Variants in OPN5 observed in about 807,000 individuals in gnomAD.
The protein encoded by OPN5 is opsin 5, also known as opsin-5.
Under a neutral mutation model 41.7 loss-of-function variants are expected in OPN5, and 18 were observed. That is an observed-to-expected ratio of 0.43 (90% CI 0.30 to 0.64). The LOEUF (loss-of-function observed/expected upper bound fraction) is 0.64. OPN5 is among the 30% of genes least tolerant of loss of function. OPN5 has a pLI of 0.13. For synonymous variants in OPN5, 178 were observed against 164.3 expected, an observed-to-expected ratio of 1.08 and a Z score of -0.64; for missense variants, 318 against 434.5, an observed-to-expected ratio of 0.73 and a Z score of 2.38.
chr6:47,804,429 T>C (rs1773886404), intron 4 of OPN5, among the ~76,000 whole-genome samples: 1 of 152,104 alleles, frequency 6.6e-6, no homozygotes. Flanking sequence ...CACTTAGAAT[T>C]GAGGAAAGTC....
chr6:47,795,349 C>A, exon 4 of OPN5: 1 of 1,614,164 alleles, frequency 6.2e-7, no homozygotes, highest in East Asian at 2.2e-5. Context: ...CCCTTCGGAA[C>A]CTCGTGCACC....
intron 1 of OPN5, 98 bp from the exon 2 acceptor site, chr6:47,786,417 A>C: frequency 1.0e-6 from 1 of 960,724 alleles, no homozygotes; most frequent in East Asian, 2.4e-5. Flanking sequence ...CTACCCTCTA[A>C]ATCTATGGTG....
chr6:47,810,593 C>A (rs1024375296), intron 5 of OPN5, among the ~76,000 whole-genome samples: 1 of 152,038 alleles, frequency 6.6e-6, no homozygotes, highest in East Asian at 1.9e-4. Flanking sequence ...TAAGGGGACA[C>A]CCTCTTGGGA....
chr6:47,797,684 G>A (rs1773620970), intron 4 of OPN5, among the ~76,000 whole-genome samples: 1 of 152,144 alleles, frequency 6.6e-6, no homozygotes, highest in South Asian at 2.1e-4. Flanking sequence ...GTCTCAAAAT[G>A]TGCTTTCTTC....
At chr6:47,801,249 T>TA (rs1773761092) in intron 4 of OPN5, among the ~76,000 whole-genome samples, 1 of 152,260 alleles carries the variant, frequency 6.6e-6, no homozygotes, top group African/African-American at 2.4e-5. Context: ...ATTACTTGAA[T>TA]AAATACATAA....
At chr6:47,788,085 T>G (rs991707872) in intron 2 of OPN5, among the ~76,000 whole-genome samples, 2 of 152,216 alleles carry the variant, frequency 1.3e-5, no homozygotes, top group Admixed American at 1.3e-4. Context: ...TGGACCTGCA[T>G]AAACATTATG....
intron 6 of OPN5, among the ~76,000 whole-genome samples, chr6:47,816,754 T>A (rs950988817): frequency 2.0e-5 from 3 of 152,130 alleles, no homozygotes; most frequent in African/African-American, 7.2e-5. Context: ...CATTGTGGAA[T>A]AGGGACAGTC....
At chr6:47,817,517 T>C (rs2114005884) in intron 6 of OPN5, among the ~76,000 whole-genome samples, 1 of 152,232 alleles carries the variant, frequency 6.6e-6, no homozygotes, top group Admixed American at 6.5e-5. Context: ...TTTAAATCCT[T>C]GTTACCCAAA....
intron 4 of OPN5, among the ~76,000 whole-genome samples, chr6:47,803,866 C>T (rs1011885142): frequency 2.0e-5 from 3 of 152,186 alleles, no homozygotes; most frequent in Non-Finnish European, 4.4e-5. Flanking sequence ...CATGGAGTTA[C>T]TCAGAGTATC....
intron 4 of OPN5, among the ~76,000 whole-genome samples, chr6:47,803,766 C>T (rs1334766051): frequency 6.6e-6 from 1 of 152,156 alleles, no homozygotes; most frequent in Non-Finnish European, 1.5e-5. Context: ...GAGAGAGGAG[C>T]TCGGCACCCC....
intron 4 of OPN5, among the ~76,000 whole-genome samples, chr6:47,803,558 T>C (rs1581744153): frequency 1.3e-5 from 2 of 152,354 alleles, no homozygotes; most frequent in East Asian, 1.9e-4. Flanking sequence ...GAAATATCTT[T>C]GTTATCCCCA....
chr6:47,824,098 C>G, exon 7 of OPN5: 1 of 832,916 alleles, frequency 1.2e-6, no homozygotes, highest in Non-Finnish European at 2.0e-6. Context: ...CGCCTCCACT[C>G]CACTTACCCT....
At chr6:47,817,241 G>A (rs1162472505) in intron 6 of OPN5, among the ~76,000 whole-genome samples, 1 of 152,192 alleles carries the variant, frequency 6.6e-6, no homozygotes, top group South Asian at 2.1e-4. Context: ...TTTCATGAAA[G>A]GGTTGAGATA....
chr6:47,803,047 A>G (rs1035641824), intron 4 of OPN5, among the ~76,000 whole-genome samples: 7 of 152,060 alleles, frequency 4.6e-5, no homozygotes, highest in Admixed American at 4.6e-4. Flanking sequence ...GATGTCAGAA[A>G]TTTTTTCTTT....
chr6:47,789,991 G>GA (rs781719151), intron 2 of OPN5, among the ~76,000 whole-genome samples: 37 of 147,308 alleles, frequency 2.5e-4, no homozygotes, highest in Middle Eastern at 3.5e-3. Flanking sequence ...TCTAGAAAGT[G>GA]AAAAAAAAAA....
Position 47,808,411 on chromosome 6 carries a change from C to A in OPN5, c.998+16C>A. 1 of 1,613,488 alleles carries A rather than the reference C, an allele frequency of 6.2e-7. No homozygotes were observed. Among genetic ancestry groups the A allele is most frequent in the Non-Finnish European group, 8.5e-7 (1 of 1,179,700 alleles). On this transcript the variant is annotated intron_variant, in intron 5 of 6. Transcript: ENST00000371211. The stretch of plus-strand genomic sequence containing the variant: ...AAGGCTTCAGGTAAAACTTCAGAAG[C>A]TGGAAATGAATTACACTCTCTTTGT...
At chr6:47,824,040 TG>T in exon 7 of OPN5, 1 of 1,463,824 alleles carries the variant, frequency 6.8e-7, no homozygotes, top group Non-Finnish European at 9.4e-7. Flanking sequence ...ACACGGCGTC[TG>T]GCATATGCAG....
At chr6:47,795,529 A>G in exon 4 of OPN5, 1 of 1,613,936 alleles carries the variant, frequency 6.2e-7, no homozygotes, top group Non-Finnish European at 8.5e-7. Context: ...AGTCGGATCC[A>G]TAGCAGCCAT....
intron 1 of OPN5, among the ~76,000 whole-genome samples, chr6:47,786,212 C>A (rs192894688): frequency 6.6e-6 from 1 of 152,326 alleles, no homozygotes; most frequent in South Asian, 2.1e-4. Context: ...AAGTACTCCA[C>A]TCTGGGGGCC....
Sources: gnomAD v4.1 joint callset for allele counts (sites outside exome capture counted in the v4.1 genomes callset) on GRCh38, gnomAD v4.1.1 for gene constraint, MANE v1.5 for transcripts, NCBI Gene and HGNC (gene_info 2026-07-23, HGNC 2026-07-21) for gene names.